The following SLC16A12 variants were observed in gnomAD, a reference collection of about 807,000 sequenced individuals.
SLC16A12 encodes the protein monocarboxylate transporter 12.
Under a neutral mutation model 42.4 loss-of-function variants are expected in SLC16A12, and 17 were observed. The ratio of observed to expected loss-of-function variants is 0.40; its 90% CI spans 0.27 to 0.60. SLC16A12 has a LOEUF of 0.60. Ranked by LOEUF, SLC16A12 falls within the 20% of genes least tolerant of loss-of-function variation. The probability of loss-of-function intolerance (pLI) is 0.42; values close to 1 mark genes in which losing one functional copy is unlikely to be tolerated. For missense variants in SLC16A12, 544 were observed against 623.0 expected (o/e 0.87, Z 1.35); for synonymous variants, 224 against 229.4 (o/e 0.98, Z 0.21).
intron 2 of SLC16A12, among the ~76,000 whole-genome samples, chr10:89,502,725 G>C (rs373923454): frequency 6.6e-6 from 1 of 152,182 alleles, no homozygotes; most frequent in African/African-American, 2.4e-5. Flanking sequence ...CTTCCATAAG[G>C]AGTGTGCATT....
chr10:89,537,629 AAGGTCTTT>A (rs1229520625), upstream of SLC16A12, among the ~76,000 whole-genome samples: 1 of 152,206 alleles, frequency 6.6e-6, no homozygotes, highest in Non-Finnish European at 1.5e-5. Context: ...CTCAGCCGTG[AAGGTCTTT>A]AGGTTAAAGG....
intron 2 of SLC16A12, among the ~76,000 whole-genome samples, chr10:89,553,532 TTGA>T (rs1205483317): frequency 6.6e-6 from 1 of 151,716 alleles, no homozygotes; most frequent in Non-Finnish European, 1.5e-5. Flanking sequence ...TTGTAGCTAC[TTGA>T]TGACTCAATG....
At chr10:89,487,334 A>G (rs994372145) in intron 2 of SLC16A12, among the ~76,000 whole-genome samples, 2 of 152,168 alleles carry the variant, frequency 1.3e-5, no homozygotes, top group South Asian at 2.1e-4. Context: ...TAAAAAGTCA[A>G]AAAACAACAG....
At chr10:89,546,478 A>G (rs1455148162) in intron 2 of SLC16A12, among the ~76,000 whole-genome samples, 1 of 152,230 alleles carries the variant, frequency 6.6e-6, no homozygotes, top group Non-Finnish European at 1.5e-5. Context: ...CAAAACCACA[A>G]TGAGATACCA....
chr10:89,552,473 T>C (rs1479822498), intron 2 of SLC16A12, among the ~76,000 whole-genome samples: 1 of 152,188 alleles, frequency 6.6e-6, no homozygotes, highest in Non-Finnish European at 1.5e-5. Context: ...ATTTGGCTGC[T>C]TGCTGACTAT....
At chr10:89,446,693 G>T (rs1009649900) in intron 3 of SLC16A12, among the ~76,000 whole-genome samples, 15 of 152,184 alleles carry the variant, frequency 9.9e-5, no homozygotes, top group Non-Finnish European at 1.9e-4. Context: ...GGAAGAAACT[G>T]CATCAACTAA....
At chr10:89,488,872 G>A (rs1842804383) in intron 2 of SLC16A12, among the ~76,000 whole-genome samples, 2 of 152,110 alleles carry the variant, frequency 1.3e-5, no homozygotes, top group South Asian at 4.2e-4. Context: ...AGTCCAGGAT[G>A]TTGTATGACA....
chr10:89,454,073 G>C (rs1842139413), intron 3 of SLC16A12, among the ~76,000 whole-genome samples: 1 of 151,894 alleles, frequency 6.6e-6, no homozygotes, highest in Non-Finnish European at 1.5e-5. Flanking sequence ...GGAGTGCAGT[G>C]TGTGTGCAGT....
chr10:89,549,683 A>G (rs1328992778), intron 2 of SLC16A12, among the ~76,000 whole-genome samples: 1 of 152,170 alleles, frequency 6.6e-6, no homozygotes, highest in Non-Finnish European at 1.5e-5. Context: ...ACCTAATTCT[A>G]AGGTTAGCTG....
At chr10:89,481,524 TC>T (rs1446231671) in intron 2 of SLC16A12, among the ~76,000 whole-genome samples, 3 of 152,024 alleles carry the variant, frequency 2.0e-5, no homozygotes, top group Non-Finnish European at 2.9e-5. Flanking sequence ...ATTAAAAGTT[TC>T]CCCCTCACTT....
At chr10:89,509,295 T>C (rs987903434) in intron 2 of SLC16A12, among the ~76,000 whole-genome samples, 2 of 151,976 alleles carry the variant, frequency 1.3e-5, no homozygotes, top group East Asian at 1.9e-4. Flanking sequence ...AACAAAAAAA[T>C]AGAATTTTAG....
At chr10:89,541,088 A>AT (rs545228364) in intron 2 of SLC16A12, among the ~76,000 whole-genome samples, 4,220 of 145,496 alleles carry the variant, frequency 0.029, 149 homozygotes, top group African/African-American at 0.088. Flanking sequence ...CGCCAGGCTA[A>AT]TTTTTTTTTT....
intron 2 of SLC16A12, among the ~76,000 whole-genome samples, chr10:89,480,931 G>C (rs973954576): frequency 6.6e-6 from 1 of 151,992 alleles, no homozygotes; most frequent in Non-Finnish European, 1.5e-5. Flanking sequence ...AACTTCCACC[G>C]AAATTCTTTA....
chr10:89,525,795 G>A (rs1843442328), intron 2 of SLC16A12, among the ~76,000 whole-genome samples: 1 of 152,284 alleles, frequency 6.6e-6, no homozygotes, highest in South Asian at 2.1e-4. Flanking sequence ...GTGGAGTGGG[G>A]ATTTGACCTA....
intron 3 of SLC16A12, among the ~76,000 whole-genome samples, chr10:89,453,923 TCTGCCCGAGAACCA>T (rs1842135580): frequency 6.6e-6 from 1 of 152,130 alleles, no homozygotes; most frequent in East Asian, 1.9e-4. Flanking sequence ...CCAAAATCAG[TCTGCCCGAGAACCA>T]CTGACCTACT....
intron 2 of SLC16A12, among the ~76,000 whole-genome samples, chr10:89,474,050 T>C (rs1842540968): frequency 6.6e-6 from 1 of 152,210 alleles, no homozygotes. Flanking sequence ...TATATCTTTT[T>C]ACATGCTATT....
upstream of SLC16A12, among the ~76,000 whole-genome samples, chr10:89,539,881 C>CTTTCTTTCTTTCTT (rs965365785): frequency 6.9e-6 from 1 of 143,986 alleles, no homozygotes; most frequent in Non-Finnish European, 1.5e-5. Flanking sequence ...TTCTTTCTTT[C>CTTTCTTTCTTTCTT]TTTCTTTCTT....
intron 2 of SLC16A12, among the ~76,000 whole-genome samples, chr10:89,555,534 C>T (rs1231465097): frequency 9.1e-5 from 11 of 121,274 alleles, no homozygotes; most frequent in East Asian, 4.8e-4. Flanking sequence ...TGTATATATA[C>T]GTATGTATGT....
intron 3 of SLC16A12, among the ~76,000 whole-genome samples, 185 bp downstream of exon 3, chr10:89,462,194 A>C (rs916704414): frequency 6.6e-6 from 1 of 152,204 alleles, no homozygotes; most frequent in Non-Finnish European, 1.5e-5. Flanking sequence ...TCTGGGACTC[A>C]TAAGTGTCAG....
Sources: allele counts gnomAD v4.1 joint callset (sites outside exome capture counted in the v4.1 genomes callset), GRCh38; gene constraint gnomAD v4.1.1; transcripts MANE v1.5; gene names NCBI Gene and HGNC (gene_info 2026-07-23, HGNC 2026-07-21).